Variants in CCDC18 observed in about 807,000 individuals in gnomAD.
CCDC18 encodes the protein coiled-coil domain-containing protein 18.
A neutral mutation model predicts 196.0 loss-of-function variants in CCDC18; 157 were observed. That is an observed-to-expected ratio of 0.80 (90% CI 0.70 to 0.91). The LOEUF is 0.91. CCDC18 is among the 40% of genes least tolerant of loss of function. CCDC18 has a pLI of 0.00. For missense variants in CCDC18, 1,465 were observed against 1,611.6 expected, an observed-to-expected ratio of 0.91 and a Z score of 1.56; for synonymous variants, 482 against 529.2, an observed-to-expected ratio of 0.91 and a Z score of 1.22.
At chr1:93,256,820 A>G (rs1042661296) in intron 25 of CCDC18, among the ~76,000 whole-genome samples, 1 of 152,194 alleles carries the variant, frequency 6.6e-6, no homozygotes, top group Non-Finnish European at 1.5e-5. Context: ...TAGTTCTCAA[A>G]TTGAGTTATA....
intron 13 of CCDC18, 60 bp downstream of exon 13, chr1:93,216,806 A>T: frequency 1.3e-6 from 1 of 791,102 alleles, no homozygotes; most frequent in Non-Finnish European, 2.1e-6. Context: ...AATTTGTGAC[A>T]GCACATTTGT....
chr1:93,264,659 A>AT (rs779057918), intron 26 of CCDC18, 42 bp from the exon 27 acceptor site: 17 of 1,238,272 alleles, frequency 1.4e-5, no homozygotes, highest in Middle Eastern at 1.9e-4. Context: ...GTTTCCTTCC[A>AT]TTTTTTTATT....
At chr1:93,268,481 A>G (rs1570651619) in intron 27 of CCDC18, among the ~76,000 whole-genome samples, 4 of 152,202 alleles carry the variant, frequency 2.6e-5, no homozygotes, top group Admixed American at 2.6e-4. Context: ...CTACCATCAG[A>G]GTGAACAGGC....
At chr1:93,194,916 G>A (rs1434753662) in intron 6 of CCDC18, among the ~76,000 whole-genome samples, 1 of 152,132 alleles carries the variant, frequency 6.6e-6, no homozygotes, top group Non-Finnish European at 1.5e-5. Flanking sequence ...TGTCTCGCAG[G>A]CTGGAGTGCA....
At chr1:93,213,177 C>G (rs1655941121) in intron 11 of CCDC18, among the ~76,000 whole-genome samples, 1 of 152,132 alleles carries the variant, frequency 6.6e-6, no homozygotes, top group African/African-American at 2.4e-5. Context: ...TCACCTCCTA[C>G]TATGTGGCCC....
intron 27 of CCDC18, among the ~76,000 whole-genome samples, chr1:93,268,568 T>C (rs2101477048): frequency 7.8e-6 from 1 of 128,500 alleles, no homozygotes; most frequent in East Asian, 2.1e-4. Flanking sequence ...ACAAAGAACT[T>C]AAACAAATTT....
chr1:93,246,132 A>G lies in CCDC18; in HGVS notation c.3009A>G (p.Lys1003=). 1 of 1,606,172 alleles carries G rather than the reference A, an allele frequency of 6.2e-7. No homozygotes were observed. Among genetic ancestry groups the G allele is most frequent in the Non-Finnish European group, 8.5e-7 (1 of 1,176,358 alleles). ...LRECKMEIED[K]KQELLEMDQA... ...AATGCAAGATGGAGATTGAAGACAA[A>G]AAGCAGGAGCTCCTTGAAATGGATC... is the stretch of plus-strand genomic sequence containing the variant. Residue 1003 remains lysine (K), a synonymous_variant, in exon 22 of 29, where the codon AAA becomes AAG. Coordinates refer to ENST00000690025, the MANE Select transcript of CCDC18 (RefSeq NM_001378204.1).
chr1:93,185,302 C>A (rs1470476444), intron 3 of CCDC18, among the ~76,000 whole-genome samples: 1 of 151,826 alleles, frequency 6.6e-6, no homozygotes, highest in Non-Finnish European at 1.5e-5. Context: ...AACTGAGATG[C>A]ATTTGGCAAT....
In CCDC18 at chr1:93,205,524, A is replaced by C; in HGVS notation, c.810A>C (p.Glu270Asp). 5.7e-6 allele frequency: 9 copies of C among 1,589,134 alleles called. No individual in the cohort carries two copies. Among genetic ancestry groups the C allele is most frequent in the Non-Finnish European group, 7.7e-6 (9 of 1,166,570 alleles). ...TATTGTTTTAGGTTCAAGCTGAAGA[A>C]GAAATATTAGAGAGAAATCTAACTA... ...AEKLEKVQAE[E>D]EILERNLTNC... The change falls in exon 8 of 29, where the codon GAA becomes GAC. Residue 270 changes from glutamate to aspartate, a missense_variant. Transcript: ENST00000690025.
At chr1:93,253,468 G>C (rs1178571480) in intron 23 of CCDC18, among the ~76,000 whole-genome samples, 1 of 152,170 alleles carries the variant, frequency 6.6e-6, no homozygotes, top group Non-Finnish European at 1.5e-5. Flanking sequence ...AAGAGAGTCG[G>C]GGCTGAGACT....
At chr1:93,256,562 T>A in intron 25 of CCDC18, 24 bp downstream of exon 25, 2 of 1,562,988 alleles carry the variant, frequency 1.3e-6, no homozygotes, top group Non-Finnish European at 1.8e-6. Context: ...TAAATAATCT[T>A]ATGTATCTGA....
Position 93,210,922 on chromosome 1 carries a change from T to C in CCDC18, c.1330T>C (p.Leu444=), listed in dbSNP as rs1655513121. 2 of 1,613,542 alleles carry C rather than the reference T, an allele frequency of 1.2e-6. No individual in the cohort carries two copies. The highest frequency in any genetic ancestry group is 1.7e-6 in the Non-Finnish European group (2 of 1,179,702). ...CEANKLVISE[L]RIKLAIKEAE... is the part of the protein sequence containing the mutation. ...GGCAAATAAATTGGTGATTTCGGAATTGAGGTACAATTTTCAGATTCTGCA... is the reference window on the plus strand; with the variant it reads ...GGCAAATAAATTGGTGATTTCGGAACTGAGGTACAATTTTCAGATTCTGCA... Residue 444 remains leucine (L), a synonymous_variant, in exon 10 of 29, where the codon TTG becomes CTG. Coordinates refer to ENST00000690025, the MANE Select transcript of CCDC18 (RefSeq NM_001378204.1).
chr1:93,264,396 C>A (rs1664216766), intron 26 of CCDC18, among the ~76,000 whole-genome samples: 3 of 152,156 alleles, frequency 2.0e-5, no homozygotes, highest in African/African-American at 7.2e-5. Flanking sequence ...ATCAAATACC[C>A]AATCATTGTT....
chr1:93,227,289 G>A (rs1259576217), intron 17 of CCDC18, among the ~76,000 whole-genome samples: 2 of 147,452 alleles, frequency 1.4e-5, no homozygotes, highest in East Asian at 2.0e-4. Context: ...CCCCTGAGTA[G>A]CTGGGACTAT....
intron 28 of CCDC18, chr1:93,271,035 A>G (rs980024779): frequency 4.1e-6 from 4 of 984,508 alleles, no homozygotes; most frequent in African/African-American, 3.5e-5. Context: ...GAGACAGAAC[A>G]GGAAGTAGAA....
rs1557720258 is a variant in CCDC18, at chr1:93,270,781, GTCT to G, written c.4324_4326del (p.Ser1442del). 1 of 1,544,064 alleles carries G rather than the reference GTCT, an allele frequency of 6.5e-7. No homozygotes were observed. Among genetic ancestry groups the G allele is most frequent in the South Asian group, 1.2e-5 (1 of 83,322 alleles). On this transcript the variant is annotated inframe_deletion, in exon 28 of 29. Coordinates refer to ENST00000690025, the MANE Select transcript of CCDC18 (RefSeq NM_001378204.1). ...ACAAAGAAGTAAGACTATTAAAAAA[GTCT>G]TCTATGCAAACAGGTGCTGGTTTAA...
Position 93,254,477 on chromosome 1 carries a change from A to G in CCDC18, c.3205A>G (p.Ser1069Gly). The G allele has an allele frequency of 6.4e-7, 1 of 1,572,352 alleles. No homozygotes were observed. Among genetic ancestry groups the G allele is most frequent in the Non-Finnish European group, 8.7e-7 (1 of 1,154,418 alleles). Residue 1069 changes from serine to glycine, a missense_variant, in exon 24 of 29, where the codon AGT (serine) becomes GGT (glycine). By Grantham distance (56) the Ser-to-Gly change is moderately conservative (BLOSUM62 0). Transcript: ENST00000690025. ...ELKECNKQIE[S>G]LNDKLQNAKE... ...TTATCTGTTTAAAATTCAGATAGAA[A>G]GTCTGAATGACAAATTACAAAATGC...
intron 26 of CCDC18, among the ~76,000 whole-genome samples, chr1:93,260,471 G>C (rs1036755840): frequency 2.6e-5 from 4 of 151,978 alleles, no homozygotes; most frequent in Non-Finnish European, 5.9e-5. Context: ...TAATATTGAA[G>C]TATATATTTT....
chr1:93,214,866 CT>C lies in CCDC18; in HGVS notation c.1620del (p.Asp541IlefsTer2). 6.2e-7 allele frequency: 1 copy of C among 1,613,568 alleles called. No homozygotes were observed. Among genetic ancestry groups the C allele is most frequent in the Non-Finnish European group, 8.5e-7 (1 of 1,179,706 alleles). ...CTGATACAAATAGAAGCTGAAAATT[CT>C]GATTTGAAGGTTAACATGGCTCACA... ...TKLIQIEAEN[S>X]DLKVNMAHRT... On this transcript the variant is annotated frameshift_variant, in exon 12 of 29. Coordinates refer to ENST00000690025, the MANE Select transcript of CCDC18 (RefSeq NM_001378204.1). LOFTEE classifies it high-confidence loss of function.
Sources: allele counts gnomAD v4.1 joint callset (sites outside exome capture counted in the v4.1 genomes callset), GRCh38; gene constraint gnomAD v4.1.1; transcripts MANE v1.5; gene names NCBI Gene and HGNC (gene_info 2026-07-23, HGNC 2026-07-21).